FNDC3A: variants seen among roughly 807,000 people sequenced by gnomAD.
The protein encoded by FNDC3A is fibronectin type-III domain-containing protein 3A.
A neutral mutation model predicts 148.9 loss-of-function variants in FNDC3A; 32 were observed. That is an observed-to-expected ratio of 0.21 (90% CI 0.16 to 0.29). The LOEUF (loss-of-function observed/expected upper bound fraction) is 0.29. FNDC3A is among the 10% of genes least tolerant of loss of function. FNDC3A has a pLI of 1.00. For missense variants in FNDC3A, 1,191 were observed against 1,452.8 expected (o/e 0.82, Z 2.93); for synonymous variants, 472 against 473.6 (o/e 1.00, Z 0.04).
intron 2 of FNDC3A, among the ~76,000 whole-genome samples, chr13:49,035,458 A>G (rs1160353395): frequency 6.6e-6 from 1 of 152,068 alleles, no homozygotes; most frequent in African/African-American, 2.4e-5. Flanking sequence ...TTTGTAGAAA[A>G]GTCACTACAG....
At chr13:49,003,014 G>A (rs1022678614) in intron 1 of FNDC3A, among the ~76,000 whole-genome samples, 5 of 152,104 alleles carry the variant, frequency 3.3e-5, no homozygotes, top group African/African-American at 1.2e-4. Context: ...ATATGAGTTT[G>A]CCTCCATAAC....
At chr13:49,199,657 C>T (rs540753774) in intron 23 of FNDC3A, among the ~76,000 whole-genome samples, 46 of 152,194 alleles carry the variant, frequency 3.0e-4, no homozygotes, top group African/African-American at 1.1e-3. Flanking sequence ...TGATTATGAT[C>T]GTTCCTGGCC....
intron 1 of FNDC3A, among the ~76,000 whole-genome samples, chr13:48,992,709 G>T (rs781185505): frequency 6.6e-6 from 1 of 152,124 alleles, no homozygotes; most frequent in Non-Finnish European, 1.5e-5. Flanking sequence ...TTTGATATAT[G>T]TCAGTTATAC....
intron 6 of FNDC3A, among the ~76,000 whole-genome samples, chr13:49,136,906 G>T (rs929356923): frequency 6.6e-6 from 1 of 151,678 alleles, no homozygotes; most frequent in Admixed American, 6.6e-5. Context: ...TTTGAGACAG[G>T]GTCTTGCTTT....
chr13:49,011,466 T>C (rs1952344182), intron 2 of FNDC3A, among the ~76,000 whole-genome samples: 1 of 152,134 alleles, frequency 6.6e-6, no homozygotes, highest in Non-Finnish European at 1.5e-5. Flanking sequence ...ACTCCTGACC[T>C]CAAGTGATCC....
At chr13:49,203,078 T>G in intron 24 of FNDC3A, 79 bp from the exon 25 acceptor site, 1 of 940,354 alleles carries the variant, frequency 1.1e-6, no homozygotes, top group Non-Finnish European at 1.6e-6. Context: ...TTGTTGATTT[T>G]TATTAAGACA....
At chr13:49,118,642 C>T (rs1299864806) in intron 4 of FNDC3A, among the ~76,000 whole-genome samples, 1 of 152,176 alleles carries the variant, frequency 6.6e-6, no homozygotes, top group East Asian at 1.9e-4. Flanking sequence ...AGTCTGAAGT[C>T]CACCTGGGAC....
In FNDC3A at chr13:49,207,137, A is replaced by G. The variant is rs757395803; in HGVS notation, c.3339A>G (p.Glu1113=). ...FRYSSLQLNC[E]YRFRVCAIRQ... ...ATTCCAGCCTTCAGCTGAACTGTGA[A>G]TATCGCTTCCGTGTATGTGCCATTC... Residue 1113 remains glutamate (E), a synonymous_variant, in exon 26 of 26, where the codon GAA becomes GAG. Coordinates refer to ENST00000492622, the MANE Select transcript of FNDC3A (RefSeq NM_001079673.2). The G allele has an allele frequency of 3.1e-6, 5 of 1,614,052 alleles. No individual in the cohort carries two copies. The Admixed American group carries it at 6.7e-5, about 22-fold the overall frequency.
intron 3 of FNDC3A, among the ~76,000 whole-genome samples, chr13:49,083,026 C>T (rs1878581494): frequency 6.6e-6 from 1 of 152,180 alleles, no homozygotes; most frequent in Non-Finnish European, 1.5e-5. Flanking sequence ...AGTGAAGAGT[C>T]AGAGCCCAAC....
At chr13:49,178,336 T>A (rs555490232) in intron 13 of FNDC3A, among the ~76,000 whole-genome samples, 2 of 152,330 alleles carry the variant, frequency 1.3e-5, no homozygotes, top group African/African-American at 4.8e-5. Flanking sequence ...TTGGCTACTA[T>A]ATTTACTGAG....
chr13:49,042,120 T>G (rs1408509669), intron 2 of FNDC3A, among the ~76,000 whole-genome samples: 3 of 152,144 alleles, frequency 2.0e-5, no homozygotes, highest in African/African-American at 7.2e-5. Context: ...TATGAAGATC[T>G]TGGGAGAAGA....
At chr13:49,156,636 C>T (rs1883710262) in intron 8 of FNDC3A, among the ~76,000 whole-genome samples, 1 of 151,282 alleles carries the variant, frequency 6.6e-6, no homozygotes, top group African/African-American at 2.4e-5. Flanking sequence ...TACATTTTGG[C>T]ATGATTTTGC....
rs558016231 is a variant in FNDC3A at position 49,203,070 on chromosome 13, G to C, written c.3155-87G>C. On this transcript the variant is annotated intron_variant, in intron 24 of 25. Transcript: ENST00000492622. ...GTTTATAAGTGGATTTTAAATATTT[G>C]TTGATTTTTATTAAGACAAGTGTCT... 5 of 883,562 alleles carry C rather than the reference G, an allele frequency of 5.7e-6. No homozygotes were observed. The African/African-American group carries it at 6.8e-5, about 12-fold the overall frequency. The allele number at this position is 883,562 out of a possible 1,614,324, so 54.7% of individuals were successfully genotyped here. A position where few individuals can be genotyped will look rare whatever the true frequency, so the allele number is the denominator to read the frequency against.
chr13:49,156,116 G>A (rs2138002899), intron 8 of FNDC3A, among the ~76,000 whole-genome samples: 1 of 145,512 alleles, frequency 6.9e-6, no homozygotes, highest in African/African-American at 2.6e-5. Context: ...TGTTGACAGT[G>A]GGGTGTTAAA....
intron 8 of FNDC3A, among the ~76,000 whole-genome samples, chr13:49,157,504 G>A (rs11520354): frequency 2.0e-5 from 3 of 148,752 alleles, no homozygotes; most frequent in Admixed American, 6.7e-5. Context: ...ATCGTCTGAA[G>A]CCTTCTTCTC....
At chr13:49,206,170 G>A (rs866246135) in intron 25 of FNDC3A, among the ~76,000 whole-genome samples, 5 of 152,128 alleles carry the variant, frequency 3.3e-5, no homozygotes, top group African/African-American at 4.8e-5. Flanking sequence ...TGAGCACTGC[G>A]CTAAGTGCTT....
chr13:49,034,966 T>C (rs1216700954), intron 2 of FNDC3A, among the ~76,000 whole-genome samples: 1 of 152,076 alleles, frequency 6.6e-6, no homozygotes, highest in Non-Finnish European at 1.5e-5. Flanking sequence ...TGGACTTATT[T>C]TGAATATCAG....
At chr13:49,187,527 T>C in intron 16 of FNDC3A, 2 of 1,609,954 alleles carry the variant, frequency 1.2e-6, no homozygotes, top group Non-Finnish European at 1.7e-6. Context: ...GTGTAGCAAA[T>C]GCAGATCCAA....
chr13:49,031,577 C>A (rs2137665047), intron 2 of FNDC3A, among the ~76,000 whole-genome samples: 1 of 152,110 alleles, frequency 6.6e-6, no homozygotes, highest in East Asian at 1.9e-4. Flanking sequence ...AACTAGATAT[C>A]CACATGTAAA....
Sources: allele counts gnomAD v4.1 joint callset (sites outside exome capture counted in the v4.1 genomes callset), GRCh38; gene constraint gnomAD v4.1.1; transcripts MANE v1.5; gene names NCBI Gene and HGNC (gene_info 2026-07-23, HGNC 2026-07-21).